RAB3GAP2: variants seen among roughly 807,000 people sequenced by gnomAD.
RAB3GAP2 encodes rab3 GTPase-activating protein non-catalytic subunit.
RAB3GAP2 carries 87 observed loss-of-function variants against 185.3 expected under a neutral mutation model. The observed-to-expected ratio is 0.47, with a 90% CI of 0.39 to 0.56. The LOEUF is 0.56. Among genes scored for constraint, RAB3GAP2 ranks in the 20% least tolerant of loss-of-function variants. RAB3GAP2 has a pLI of 0.00. For missense variants in RAB3GAP2, 1,492 were observed against 1,638.2 expected (o/e 0.91, Z 1.54); for synonymous variants, 554 against 576.1 (o/e 0.96, Z 0.55).
At position 220,151,077 on chromosome 1, in the gene RAB3GAP2, G is replaced by T; in HGVS notation, c.*174C>A. 1.6e-6 allele frequency: 1 copy of T among 620,298 alleles called. No homozygotes were observed. Among genetic ancestry groups the T allele is most frequent in the Non-Finnish European group, 2.8e-6 (1 of 362,066 alleles). 38.4% of individuals were successfully genotyped at this position (620,298 alleles called of 1,614,324 possible). A position where few individuals can be genotyped will look rare whatever the true frequency, so the allele number is the denominator to read the frequency against. ...TTTATCTTCAGTATTAACCAAAGGA[G>T]TGGAATTTAGCCAGGGTTGCACTTT... On this transcript the variant is annotated 3_prime_UTR_variant, in exon 35 of 35. Transcript: ENST00000358951.
At chr1:220,153,500 G>A (rs534968673) in intron 32 of RAB3GAP2, 94 bp from the exon 33 acceptor site, 6 of 1,158,384 alleles carry the variant, frequency 5.2e-6, no homozygotes, top group South Asian at 1.3e-5. Context: ...GTCACTTATA[G>A]TGGCTTTTCC....
chr1:220,164,743 A>G lies in RAB3GAP2; in HGVS notation c.3144T>C (p.His1048=). Residue 1048 remains histidine, a synonymous_variant, in exon 27 of 35, where the codon CAT becomes CAC. Transcript: ENST00000358951. ...CATCTGTTTACTTACCATTTTGAACATGTGCATTAAATATTTGCTTCAAGT... is the reference window on the plus strand; with the variant it reads ...CATCTGTTTACTTACCATTTTGAACGTGTGCATTAAATATTTGCTTCAAGT... ...IEHLKQIFNA[H]VQNGIALMMW... 6.2e-7 allele frequency: 1 copy of G among 1,605,940 alleles called. No homozygotes were observed. Among genetic ancestry groups the G allele is most frequent in the Non-Finnish European group, 8.5e-7 (1 of 1,174,770 alleles).
chr1:220,176,171 G>A (rs1178249013), intron 21 of RAB3GAP2, among the ~76,000 whole-genome samples: 10 of 151,874 alleles, frequency 6.6e-5, no homozygotes, highest in Admixed American at 6.6e-4. Context: ...TACAAAATAA[G>A]ATATTCTAAC....
intron 24 of RAB3GAP2, among the ~76,000 whole-genome samples, chr1:220,168,510 G>C (rs916896974): frequency 2.0e-5 from 3 of 151,570 alleles, no homozygotes; most frequent in Non-Finnish European, 4.4e-5. Flanking sequence ...GGATTATCCT[G>C]TCTCAGGCTC....
chr1:220,186,221 C>A lies in RAB3GAP2; in HGVS notation c.1780-480G>T. Among the ~76,000 whole-genome samples, 2 of 152,100 alleles carry A rather than the reference C, an allele frequency of 1.3e-5. 1 individual carries two copies. Among genetic ancestry groups the A allele is most frequent in the Non-Finnish European group, 2.9e-5 (2 of 68,026 alleles). On this transcript the variant is annotated intron_variant, in intron 17 of 34. Transcript: ENST00000358951. ...TGAATACAGTACCCACCCTTCCCTA[C>A]CTCCCTCTCCCCACCCCCATAGATA...
At chr1:220,166,425 G>C (rs557860123) in intron 26 of RAB3GAP2, among the ~76,000 whole-genome samples, 1 of 152,212 alleles carries the variant, frequency 6.6e-6, no homozygotes, top group Non-Finnish European at 1.5e-5. Flanking sequence ...CTAAGTGAAG[G>C]ACTGATTGGC....
At chr1:220,190,212 C>G (rs1658589132) in intron 15 of RAB3GAP2, 66 bp from the exon 16 acceptor site, 1 of 1,527,428 alleles carries the variant, frequency 6.5e-7, no homozygotes, top group Admixed American at 1.7e-5. Flanking sequence ...TTCTGACACA[C>G]TCCAACTTTT....
chr1:220,250,123 G>A (rs530525505), intron 1 of RAB3GAP2, among the ~76,000 whole-genome samples: 13 of 152,218 alleles, frequency 8.5e-5, no homozygotes, highest in Middle Eastern at 6.8e-3. Context: ...ACCATGCACC[G>A]GGAAAAGCCA....
intron 1 of RAB3GAP2, among the ~76,000 whole-genome samples, chr1:220,247,278 T>G (rs1307828405): frequency 6.6e-6 from 1 of 151,938 alleles, no homozygotes; most frequent in South Asian, 2.1e-4. Flanking sequence ...GGAAAAGAAG[T>G]CATTTTATGA....
chr1:220,266,849 G>A (rs1660234707), intron 1 of RAB3GAP2: 2 of 1,596,484 alleles, frequency 1.3e-6, no homozygotes, highest in South Asian at 1.1e-5. Context: ...GAGGTCCCTG[G>A]CTCCCTCTGT....
intron 19 of RAB3GAP2, 34 bp from the exon 20 acceptor site, chr1:220,182,965 C>T (rs1288769099): frequency 6.6e-7 from 1 of 1,516,796 alleles, no homozygotes; most frequent in African/African-American, 1.4e-5. Context: ...AACAACATTC[C>T]ACATCTATCA....
chr1:220,264,461 G>A (rs2102535180), intron 1 of RAB3GAP2, among the ~76,000 whole-genome samples: 1 of 152,152 alleles, frequency 6.6e-6, no homozygotes, highest in Non-Finnish European at 1.5e-5. Context: ...GATAAAGTGG[G>A]AGAAGGCAGG....
chr1:220,175,539 A>T (rs1658272704), intron 21 of RAB3GAP2, among the ~76,000 whole-genome samples: 1 of 152,148 alleles, frequency 6.6e-6, no homozygotes, highest in South Asian at 2.1e-4. Flanking sequence ...TTCTAAACAT[A>T]CCTATAGATT....
intron 31 of RAB3GAP2, 195 bp from the exon 32 acceptor site, chr1:220,154,252 C>T: frequency 2.8e-6 from 2 of 721,502 alleles, no homozygotes; most frequent in Non-Finnish European, 2.1e-6. Flanking sequence ...CAGTGATCCC[C>T]TCCTCCTGGT....
At chr1:220,256,995 G>A (rs779430954) in intron 1 of RAB3GAP2, among the ~76,000 whole-genome samples, 2 of 152,184 alleles carry the variant, frequency 1.3e-5, no homozygotes, top group African/African-American at 4.8e-5. Flanking sequence ...CACATAATCA[G>A]AAGTAAAACA....
Position 220,148,671 on chromosome 1 carries a change from T to TAA in RAB3GAP2, c.*2578_*2579dup, listed in dbSNP as rs1369677790. On this transcript the variant is annotated 3_prime_UTR_variant, in exon 35 of 35. Coordinates refer to ENST00000358951, the MANE Select transcript of RAB3GAP2 (RefSeq NM_012414.4). The stretch of plus-strand genomic sequence containing the variant: ...TGACTTTTTAGATCGCAATTGTTTT[T>TAA]AAAAAGCAATTTAAATGTAACAGTG... 2 of 152,202 alleles carry TAA rather than the reference T, an allele frequency of 1.3e-5. No individual in the cohort carries two copies. Among genetic ancestry groups the TAA allele is most frequent in the East Asian group, 3.8e-4 (2 of 5,202 alleles). 9.4% of individuals were successfully genotyped at this position (152,202 alleles called of 1,614,324 possible). A position where few individuals can be genotyped will look rare whatever the true frequency, so the allele number is the denominator to read the frequency against.
At chr1:220,172,892 G>C in intron 21 of RAB3GAP2, 150 bp from the exon 22 acceptor site, 2 of 654,696 alleles carry the variant, frequency 3.1e-6, no homozygotes, top group East Asian at 5.4e-5. Flanking sequence ...CATGTAATCT[G>C]AGAGGGAATA....
Position 220,213,924 on chromosome 1 carries a change from AC to A in RAB3GAP2, c.235del (p.Val79PhefsTer12). The A allele has an allele frequency of 6.2e-7, 1 of 1,613,372 alleles. No homozygotes were observed. Among genetic ancestry groups the A allele is most frequent in the African/African-American group, 1.3e-5 (1 of 75,044 alleles). On this transcript the variant is annotated frameshift_variant, in exon 3 of 35. Transcript: ENST00000358951. LOFTEE classifies it high-confidence loss of function. ...TQKTSWLQDCVLSLSPTNDLM... is the reference protein window; with the variant it reads ...TQKTSWLQDCXLSLSPTNDLM... ...ATCATTGGTTGGAGATAAGGATAAA[AC>A]ACAATCTTGGAGCCAGGAAGTTTTT...
At chr1:220,268,862 T>C (rs952690381) in intron 1 of RAB3GAP2, among the ~76,000 whole-genome samples, 6 of 152,244 alleles carry the variant, frequency 3.9e-5, no homozygotes, top group Non-Finnish European at 5.9e-5. Flanking sequence ...ACCTGAGTTT[T>C]AGCACCTATA....
Sources: gnomAD v4.1 joint callset for allele counts (sites outside exome capture counted in the v4.1 genomes callset) on GRCh38, gnomAD v4.1.1 for gene constraint, MANE v1.5 for transcripts, NCBI Gene and HGNC (gene_info 2026-07-23, HGNC 2026-07-21) for gene names.